Variants in STK39 observed in about 807,000 individuals in gnomAD.
The protein encoded by STK39 is STE20/SPS1-related proline-alanine-rich protein kinase.
STK39 carries 20 observed loss-of-function variants against 77.8 expected under a neutral mutation model. That is an observed-to-expected ratio of 0.26 (90% CI 0.18 to 0.37). STK39 has a LOEUF of 0.37. Among genes scored for constraint, STK39 ranks in the 10% least tolerant of loss-of-function variants. STK39 has a pLI of 1.00. For synonymous variants in STK39, 246 were observed against 234.1 expected (o/e 1.05, Z -0.47); for missense variants, 479 against 656.5 (o/e 0.73, Z 2.95).
At chr2:168,170,683 G>T (rs1559131145) in intron 2 of STK39, among the ~76,000 whole-genome samples, 1 of 152,196 alleles carries the variant, frequency 6.6e-6, no homozygotes, top group Non-Finnish European at 1.5e-5. Context: ...AAGGTTGGGG[G>T]ATGTGAGAGG....
At chr2:168,236,673 C>T (rs1690618974) in intron 1 of STK39, among the ~76,000 whole-genome samples, 1 of 152,198 alleles carries the variant, frequency 6.6e-6, no homozygotes, top group African/African-American at 2.4e-5. Context: ...ATATGGCTAG[C>T]CAGTTTTCCC....
At chr2:168,094,260 T>A (rs1348750659) in intron 10 of STK39, among the ~76,000 whole-genome samples, 1 of 152,172 alleles carries the variant, frequency 6.6e-6, no homozygotes, top group Non-Finnish European at 1.5e-5. Context: ...ACAGAGTGAG[T>A]CTTATCTCTG....
At chr2:168,170,283 G>A (rs1237931426) in intron 2 of STK39, among the ~76,000 whole-genome samples, 2 of 152,114 alleles carry the variant, frequency 1.3e-5, no homozygotes, top group East Asian at 1.9e-4. Flanking sequence ...CATTCATATG[G>A]TTAGGAAAAG....
rs564252688 is a variant in STK39, at chr2:168,156,682, A to C, written c.628+5105T>G. On this transcript the variant is annotated intron_variant, in intron 5 of 17. Transcript: ENST00000355999. ...GTATATTCTCATTACACAAACGTGC[A>C]AAATGAGGCACAGAGAAGCTAAAGC... Among the ~76,000 whole-genome samples, 4 of 152,374 alleles carry C rather than the reference A, an allele frequency of 2.6e-5. No individual in the cohort carries two copies. In the South Asian group the frequency reaches 8.3e-4, roughly 32 times the overall value.
In STK39 at chr2:168,163,809, T is replaced by C. The variant is rs756179998; in HGVS notation, c.502A>G (p.Ile168Val). 21 of 1,613,898 alleles carry C rather than the reference T, an allele frequency of 1.3e-5. No homozygotes were observed. The highest frequency in any genetic ancestry group is 1.8e-5 in the Non-Finnish European group (21 of 1,179,954). The change falls in exon 4 of 18, where the codon ATA (isoleucine) becomes GTA (valine). Residue 168 changes from isoleucine to valine, a missense_variant. Transcript: ENST00000355999. Reference sequence around the variant, plus strand: ...ACCTCTTTAAGAATTGTTGCTATTATTGCCTCTTCCAGAACTCCATTCTTG... The same window carrying C: ...ACCTCTTTAAGAATTGTTGCTATTACTGCCTCTTCCAGAACTCCATTCTTG... The part of the protein sequence containing the change: ...EHKNGVLEEA[I>V]IATILKEVLE...
At chr2:168,217,667 C>A (rs1394166197) in intron 1 of STK39, among the ~76,000 whole-genome samples, 1 of 152,108 alleles carries the variant, frequency 6.6e-6, no homozygotes, top group African/African-American at 2.4e-5. Context: ...TTAATCATGT[C>A]TAGAGTAATA....
intron 14 of STK39, among the ~76,000 whole-genome samples, chr2:168,061,836 C>A (rs1041103358): frequency 1.3e-5 from 2 of 152,054 alleles, no homozygotes; most frequent in African/African-American, 4.8e-5. Flanking sequence ...GCACCCAGGG[C>A]AAAATAATAT....
intron 10 of STK39, among the ~76,000 whole-genome samples, chr2:168,080,167 A>G (rs1364453783): frequency 6.6e-6 from 1 of 152,220 alleles, no homozygotes; most frequent in Non-Finnish European, 1.5e-5. Context: ...TTGGCCCTAC[A>G]GATTGGTAGA....
At chr2:168,119,592 G>T (rs1417961347) in intron 10 of STK39, among the ~76,000 whole-genome samples, 1 of 152,118 alleles carries the variant, frequency 6.6e-6, no homozygotes, top group African/African-American at 2.4e-5. Context: ...TGGCTCAGTA[G>T]GGACCTAACA....
At chr2:168,118,377 A>G (rs985701728) in intron 10 of STK39, among the ~76,000 whole-genome samples, 1 of 152,206 alleles carries the variant, frequency 6.6e-6, no homozygotes, top group Non-Finnish European at 1.5e-5. Flanking sequence ...TAGAAACAGT[A>G]TCTCTTACAA....
At chr2:168,229,543 C>T (rs1690395468) in intron 1 of STK39, among the ~76,000 whole-genome samples, 2 of 152,116 alleles carry the variant, frequency 1.3e-5, no homozygotes, top group Admixed American at 1.3e-4. Context: ...ATATTTCTAT[C>T]CTAATAGGCT....
intron 1 of STK39, among the ~76,000 whole-genome samples, chr2:168,193,761 C>T (rs1030303950): frequency 6.6e-5 from 10 of 152,200 alleles, no homozygotes; most frequent in African/African-American, 1.9e-4. Flanking sequence ...GCTGTGAAAA[C>T]GTTGCTGCTT....
intron 12 of STK39, among the ~76,000 whole-genome samples, chr2:168,071,994 T>C (rs962591487): frequency 4.6e-5 from 7 of 152,192 alleles, no homozygotes; most frequent in Non-Finnish European, 5.9e-5. Flanking sequence ...GGAATGGTAT[T>C]TGTAATAGCA....
chr2:168,113,929 C>T (rs994528363), intron 10 of STK39, among the ~76,000 whole-genome samples: 3 of 152,160 alleles, frequency 2.0e-5, no homozygotes, highest in African/African-American at 4.8e-5. Context: ...CAGAGGAAGA[C>T]GAGCTGATTC....
chr2:168,232,487 G>A (rs1268783862), intron 1 of STK39, among the ~76,000 whole-genome samples: 2 of 152,056 alleles, frequency 1.3e-5, no homozygotes, highest in Non-Finnish European at 2.9e-5. Flanking sequence ...CGAACAAAAC[G>A]AGCATCCAAC....
chr2:168,238,142 C>CA (rs1690667891), intron 1 of STK39, among the ~76,000 whole-genome samples: 1 of 152,096 alleles, frequency 6.6e-6, no homozygotes, highest in Non-Finnish European at 1.5e-5. Flanking sequence ...CAGTTCAAAA[C>CA]AAAATCATTA....
intron 1 of STK39, among the ~76,000 whole-genome samples, chr2:168,246,847 G>C (rs1246913070): frequency 1.3e-5 from 2 of 151,758 alleles, no homozygotes; most frequent in South Asian, 2.1e-4. Context: ...CCCCACCCGC[G>C]GCTGCCTGTC....
At chr2:168,189,449 T>G (rs1480864860) in intron 1 of STK39, among the ~76,000 whole-genome samples, 2 of 151,732 alleles carry the variant, frequency 1.3e-5, no homozygotes, top group African/African-American at 4.8e-5. Context: ...GTGAGTACAC[T>G]TACTGAACAT....
At chr2:167,963,521 A>AT (rs201577637) in intron 17 of STK39, among the ~76,000 whole-genome samples, 37 of 149,452 alleles carry the variant, frequency 2.5e-4, no homozygotes, top group East Asian at 1.3e-3. Context: ...ATACTCTCAC[A>AT]TTAAAAAAAA....
Sources: gnomAD v4.1 joint callset for allele counts (sites outside exome capture counted in the v4.1 genomes callset) on GRCh38, gnomAD v4.1.1 for gene constraint, MANE v1.5 for transcripts, NCBI Gene and HGNC (gene_info 2026-07-23, HGNC 2026-07-21) for gene names.